Variants in LPXN observed in about 807,000 individuals in gnomAD.
LPXN encodes leupaxin.
LPXN carries 28 observed loss-of-function variants against 45.6 expected under a neutral mutation model. The ratio of observed to expected loss-of-function variants is 0.61; its 90% CI spans 0.45 to 0.84. The LOEUF is 0.84. LPXN is among the 40% of genes least tolerant of loss of function. The pLI is 0.00. For synonymous variants in LPXN, 166 were observed against 169.9 expected, an observed-to-expected ratio of 0.98 and a Z score of 0.18; for missense variants, 459 against 475.0, an observed-to-expected ratio of 0.97 and a Z score of 0.31.
chr11:58,548,447 A>G (rs1853938999), intron 7 of LPXN, among the ~76,000 whole-genome samples: 2 of 146,068 alleles, frequency 1.4e-5, no homozygotes, highest in South Asian at 4.3e-4. Context: ...ATATCTCCAG[A>G]AAAAAAAAAA....
intron 3 of LPXN, among the ~76,000 whole-genome samples, chr11:58,557,696 T>G (rs1383328935): frequency 1.3e-5 from 2 of 152,186 alleles, no homozygotes; most frequent in Non-Finnish European, 2.9e-5. Flanking sequence ...AGAGTAAATT[T>G]TGGCTGTTCT....
chr11:58,573,806 AT>A (rs1318012023), intron 1 of LPXN, among the ~76,000 whole-genome samples: 1 of 152,184 alleles, frequency 6.6e-6, no homozygotes, highest in Non-Finnish European at 1.5e-5. Context: ...AATAATATCA[AT>A]ATTAACATGA....
At chr11:58,548,999 T>A (rs1263737486) in intron 7 of LPXN, among the ~76,000 whole-genome samples, 2 of 152,164 alleles carry the variant, frequency 1.3e-5, no homozygotes, top group African/African-American at 2.4e-5. Context: ...AGTGGGGTAA[T>A]AATAACATTT....
intron 3 of LPXN, among the ~76,000 whole-genome samples, chr11:58,559,915 A>G (rs1339160160): frequency 1.3e-5 from 2 of 152,168 alleles, no homozygotes; most frequent in African/African-American, 4.8e-5. Context: ...ATTTATATAA[A>G]TTTATAAGCC....
At chr11:58,550,864 T>C (rs552825900) in intron 5 of LPXN, among the ~76,000 whole-genome samples, 3 of 152,330 alleles carry the variant, frequency 2.0e-5, no homozygotes, top group African/African-American at 7.2e-5. Context: ...AAGGGAGCAA[T>C]CATTCTTCTT....
chr11:58,555,566 C>T (rs1854175439), intron 3 of LPXN, among the ~76,000 whole-genome samples: 1 of 152,014 alleles, frequency 6.6e-6, no homozygotes, highest in African/African-American at 2.4e-5. Flanking sequence ...CAAAGTAAAG[C>T]TCAATAAATT....
chr11:58,543,836 G>C (rs1853802345), intron 7 of LPXN, among the ~76,000 whole-genome samples: 1 of 152,130 alleles, frequency 6.6e-6, no homozygotes, highest in Non-Finnish European at 1.5e-5. Flanking sequence ...ACAGTGTTCT[G>C]TAAAGCAGAC....
At chr11:58,561,779 T>C (rs1854385645) in intron 3 of LPXN, among the ~76,000 whole-genome samples, 1 of 152,260 alleles carries the variant, frequency 6.6e-6, no homozygotes. Flanking sequence ...AGAGTCCTAG[T>C]GCAGTGTAGA....
rs563943372 is a variant in LPXN, at chr11:58,549,121, C to T, written c.742+665G>A. On this transcript the variant is annotated intron_variant, in intron 7 of 8. Coordinates refer to ENST00000395074, the MANE Select transcript of LPXN (RefSeq NM_004811.3). ...ATTTAAAACACATAAGCAGGCCAGG[C>T]GCAGTAGTTCATGCCTGTAATGCCA... Among the ~76,000 whole-genome samples the T allele has an allele frequency of 6.6e-5, 10 of 152,294 alleles. 1 individual carries two copies. The South Asian group carries it at 8.3e-4, about 13-fold the overall frequency.
intron 2 of LPXN, among the ~76,000 whole-genome samples, chr11:58,566,879 A>G (rs1854542017): frequency 6.6e-6 from 1 of 152,206 alleles, no homozygotes; most frequent in Non-Finnish European, 1.5e-5. Flanking sequence ...CCAAAATCCA[A>G]TTGATGACAT....
chr11:58,576,934 G>A (rs1399663773), upstream of LPXN, among the ~76,000 whole-genome samples: 1 of 152,080 alleles, frequency 6.6e-6, no homozygotes, highest in Non-Finnish European at 1.5e-5. Flanking sequence ...ATCCCATCAC[G>A]CCACCAGGTT....
At chr11:58,571,005 A>T (rs1337558944) in intron 1 of LPXN, among the ~76,000 whole-genome samples, 1 of 152,170 alleles carries the variant, frequency 6.6e-6, no homozygotes, top group South Asian at 2.1e-4. Context: ...AATTTTCATC[A>T]TTCATTTAGG....
At chr11:58,540,161 A>C (rs78176625) in intron 7 of LPXN, among the ~76,000 whole-genome samples, 2,256 of 152,290 alleles carry the variant, frequency 0.015, 51 homozygotes, top group African/African-American at 0.051. Flanking sequence ...AAATGGGGGC[A>C]GGAGTAAAGC....
intron 7 of LPXN, among the ~76,000 whole-genome samples, chr11:58,540,826 G>A (rs1184191269): frequency 6.6e-6 from 1 of 152,078 alleles, no homozygotes; most frequent in Non-Finnish European, 1.5e-5. Context: ...CACGGTGATT[G>A]CTTTTTAAAA....
At chr11:58,542,980 T>C (rs1009126071) in intron 7 of LPXN, among the ~76,000 whole-genome samples, 2 of 152,218 alleles carry the variant, frequency 1.3e-5, no homozygotes, top group African/African-American at 4.8e-5. Flanking sequence ...TCAAGTGATA[T>C]ATTTGCTCTG....
intron 7 of LPXN, among the ~76,000 whole-genome samples, chr11:58,537,343 G>C (rs1853582754): frequency 6.6e-6 from 1 of 152,166 alleles, no homozygotes; most frequent in Non-Finnish European, 1.5e-5. Flanking sequence ...AAAAAAGAAT[G>C]AGTTCATGTC....
chr11:58,574,927 C>G (rs1358848889), intron 1 of LPXN, among the ~76,000 whole-genome samples: 1 of 152,122 alleles, frequency 6.6e-6, no homozygotes, highest in Non-Finnish European at 1.5e-5. Context: ...CCCAAACACA[C>G]CCCAAACCAG....
At chr11:58,572,002 T>G (rs1854717894) in intron 1 of LPXN, among the ~76,000 whole-genome samples, 1 of 152,228 alleles carries the variant, frequency 6.6e-6, no homozygotes, top group Admixed American at 6.5e-5. Context: ...CATCCTTCTC[T>G]GATGCAGTTT....
chr11:58,536,664 C>A (rs1373615721), intron 7 of LPXN, among the ~76,000 whole-genome samples: 1 of 152,132 alleles, frequency 6.6e-6, no homozygotes, highest in African/African-American at 2.4e-5. Context: ...CAAATGGGAT[C>A]TAATTAAATT....
Sources: allele counts gnomAD v4.1 joint callset (sites outside exome capture counted in the v4.1 genomes callset), GRCh38; gene constraint gnomAD v4.1.1; transcripts MANE v1.5; gene names NCBI Gene and HGNC (gene_info 2026-07-23, HGNC 2026-07-21).